The following TPM2 variants were observed in gnomAD, a reference collection of about 807,000 sequenced individuals.
The protein encoded by TPM2 is tropomyosin beta chain.
A neutral mutation model predicts 41.0 loss-of-function variants in TPM2; 26 were observed. That is an observed-to-expected ratio of 0.63 (90% CI 0.46 to 0.88). The LOEUF (loss-of-function observed/expected upper bound fraction) is 0.88, where lower values mean the gene tolerates loss of function less well. Among genes scored for constraint, TPM2 ranks in the 40% least tolerant of loss-of-function variants. The pLI is 0.00. For missense variants in TPM2, 187 were observed against 355.2 expected (o/e 0.53, Z 3.81); for synonymous variants, 143 against 139.3 (o/e 1.03, Z -0.19).
chr9:35,689,818 G>A lies in TPM2; in HGVS notation c.-1C>T. 1.9e-6 allele frequency: 3 copies of A among 1,613,592 alleles called. No homozygotes were observed. The highest frequency in any genetic ancestry group is 1.7e-5 in the Admixed American group (1 of 60,006). On this transcript the variant is annotated 5_prime_UTR_variant, in exon 1 of 9. Transcript: ENST00000645482. ...GCATCTTCTTCTTGATGGCGTCCAT[G>A]GCTGCGGTGGGGGGTGGGCCGGCCG...
rs1252494982 is a variant in TPM2, at chr9:35,689,842, C to T, written c.-25G>A. 2 of 1,612,960 alleles carry T rather than the reference C, an allele frequency of 1.2e-6. No homozygotes were observed. Among genetic ancestry groups the T allele is most frequent in the Non-Finnish European group, 1.7e-6 (2 of 1,179,462 alleles). On this transcript the variant is annotated 5_prime_UTR_variant, in exon 1 of 9. Transcript: ENST00000645482. ...TGGCTGCGGTGGGGGGTGGGCCGGC[C>T]GGCAGGCGGTGAGGACCGGACGGAC...
At chr9:35,682,906 T>C, downstream of TPM2, 1 of 1,488,618 alleles carries the variant, frequency 6.7e-7, no homozygotes, top group Non-Finnish European at 9.0e-7. Context: ...AGGTGCTCTC[T>C]GGAGGGCAGG....
At chr9:35,682,307 G>A, downstream of TPM2, 1 of 1,003,602 alleles carries the variant, frequency 1.0e-6, no homozygotes, top group East Asian at 2.6e-5. Flanking sequence ...CCTTGGCAGG[G>A]ACAAACAGAT....
chr9:35,682,604 G>A, downstream of TPM2: 1 of 1,272,802 alleles, frequency 7.9e-7, no homozygotes, highest in Non-Finnish European at 1.0e-6. Context: ...CAACCTTCTT[G>A]CCCCTGTCCT....
chr9:35,683,081 C>G lies in TPM2; in HGVS notation c.*78G>C, dbSNP rs994295319. ...GCAATGTTGGCAATTTCTGCTCCTCCTGCCTGCTCCCCTCCCCATAGAGAG... is the reference window on the plus strand; with the variant it reads ...GCAATGTTGGCAATTTCTGCTCCTCGTGCCTGCTCCCCTCCCCATAGAGAG... On this transcript the variant is annotated 3_prime_UTR_variant, in exon 9 of 9. Coordinates refer to ENST00000645482, the MANE Select transcript of TPM2 (RefSeq NM_003289.4). The G allele has an allele frequency of 1.9e-6, 3 of 1,551,478 alleles. No individual in the cohort carries two copies. In the African/African-American group the frequency reaches 4.1e-5, roughly 21 times the overall value.
chr9:35,682,208 G>A, downstream of TPM2: 1 of 1,596,924 alleles, frequency 6.3e-7, no homozygotes, highest in Non-Finnish European at 8.6e-7. Context: ...GACACAAGGG[G>A]GAGACGTGGG....
At chr9:35,683,395 G>A (rs1354555422) in intron 8 of TPM2, among the ~76,000 whole-genome samples, 154 bp from the exon 9 acceptor site, 1 of 152,228 alleles carries the variant, frequency 6.6e-6, no homozygotes, top group Non-Finnish European at 1.5e-5. Flanking sequence ...AGGCTGGACA[G>A]CTGTCAGGAA....
chr9:35,684,033 A>C, intron 8 of TPM2: 1 of 591,694 alleles, frequency 1.7e-6, no homozygotes, highest in East Asian at 3.0e-5. Context: ...AGTGATTCTC[A>C]TGCATGCTGA....
At chr9:35,682,608 C>T, downstream of TPM2, 1 of 1,283,352 alleles carries the variant, frequency 7.8e-7, no homozygotes, top group Non-Finnish European at 1.0e-6. Context: ...CTTCTTGCCC[C>T]TGTCCTGCAC....
At chr9:35,689,952 A>T (rs3793538), upstream of TPM2, 430,362 of 1,565,912 alleles carry the variant, frequency 0.27, 60,670 homozygotes, top group East Asian at 0.31. Flanking sequence ...GCGGGCGCCT[A>T]AAAGGCGGGG....
At position 35,683,132 on chromosome 9, in the gene TPM2, G is replaced by A; in HGVS notation, c.*27C>T. 1 of 1,552,094 alleles carries A rather than the reference G, an allele frequency of 6.4e-7. No homozygotes were observed. Among genetic ancestry groups the A allele is most frequent in the Non-Finnish European group, 8.7e-7 (1 of 1,147,152 alleles). On this transcript the variant is annotated 3_prime_UTR_variant, in exon 9 of 9. Transcript: ENST00000645482. The stretch of plus-strand genomic sequence containing the variant: ...AATGGAAAGGAGAGGAGAGAAGAGA[G>A]CTGAGGTGGCCACGCTGGCGTGGGG...
chr9:35,683,251 G>GGT lies in TPM2; in HGVS notation c.773-11_773-10insAC. On this transcript the variant is annotated splice_polypyrimidine_tract_variant and intron_variant, in intron 8 of 8. Transcript: ENST00000645482. ...TGGGCATAGACTTCATCTGGGGGGG[G>GGT]TCCAGGGAGGGGACCAGGTGGGAGT... 1 of 1,547,880 alleles carries GGT rather than the reference G, an allele frequency of 6.5e-7. No homozygotes were observed. The highest frequency in any genetic ancestry group is 8.8e-7 in the Non-Finnish European group (1 of 1,142,632).
intron 5 of TPM2, 32 bp from the exon 6 acceptor site, chr9:35,684,839 T>C (rs1204150265): frequency 6.2e-7 from 1 of 1,610,540 alleles, no homozygotes; most frequent in African/African-American, 1.4e-5. Flanking sequence ...GGGGGCAGGG[T>C]GTGAGGGCAC....
In TPM2 at chr9:35,683,239, CAT is replaced by C; in HGVS notation, c.773_774del (p.Asp258GlyfsTer13). ...KLEKTIDDLEDEVYAQKMKYK... is the reference protein window; with the variant it reads ...KLEKTIDDLEXEVYAQKMKYK... ...TACTTCATCTTCTGGGCATAGACTT[CAT>C]CTGGGGGGGGTCCAGGGAGGGGACC... On this transcript the variant is annotated frameshift_variant and splice_region_variant, in exon 9 of 9. Transcript: ENST00000645482. LOFTEE classifies it high-confidence loss of function. The C allele has an allele frequency of 1.3e-6, 2 of 1,517,080 alleles. No homozygotes were observed. Among genetic ancestry groups the C allele is most frequent in the Non-Finnish European group, 1.8e-6 (2 of 1,121,778 alleles). 94.0% of individuals were successfully genotyped at this position (1,517,080 alleles called of 1,614,324 possible). A position where few individuals can be genotyped will look rare whatever the true frequency, so the allele number is the denominator to read the frequency against.
intron 2 of TPM2, among the ~76,000 whole-genome samples, chr9:35,687,191 G>A (rs1046371385): frequency 6.6e-6 from 1 of 152,056 alleles, no homozygotes; most frequent in Non-Finnish European, 1.5e-5. Flanking sequence ...AACTAAACAG[G>A]TTCTCTTACT....
intron 5 of TPM2, 146 bp from the exon 6 acceptor site, chr9:35,684,953 G>C (rs1824799883): frequency 1.9e-6 from 3 of 1,612,146 alleles, no homozygotes; most frequent in Non-Finnish European, 2.5e-6. Context: ...GAAGCCCCAG[G>C]CCCTTCCTGA....
chr9:35,684,583 C>T (rs761033314), intron 6 of TPM2, 33 bp from the exon 7 acceptor site: 6 of 1,613,722 alleles, frequency 3.7e-6, no homozygotes, highest in South Asian at 2.2e-5. Context: ...ATCAGTACAG[C>T]GCTACCACAG....
At chr9:35,682,665 C>G (rs780454375), downstream of TPM2, 1 of 1,310,776 alleles carries the variant, frequency 7.6e-7, no homozygotes. Flanking sequence ...ATCCTGGAAC[C>G]CCAGCTAAGT....
chr9:35,688,310 G>A (rs1226105262), intron 2 of TPM2, among the ~76,000 whole-genome samples: 1 of 152,200 alleles, frequency 6.6e-6, no homozygotes, highest in Non-Finnish European at 1.5e-5. Flanking sequence ...TTCAGACCAT[G>A]CTTTATGCTA....
Sources: allele counts gnomAD v4.1 joint callset (sites outside exome capture counted in the v4.1 genomes callset), GRCh38; gene constraint gnomAD v4.1.1; transcripts MANE v1.5; gene names NCBI Gene and HGNC (gene_info 2026-07-23, HGNC 2026-07-21).